RELB: variants seen among roughly 807,000 people sequenced by gnomAD.
RELB encodes RELB proto-oncogene, NF-kB subunit.
Under a neutral mutation model 55.4 loss-of-function variants are expected in RELB, and 14 were observed. The ratio of observed to expected loss-of-function variants is 0.25; its 90% CI spans 0.17 to 0.40. The LOEUF is 0.40. Ranked by LOEUF, RELB falls within the 10% of genes least tolerant of loss-of-function variation. The pLI is 1.00. For missense variants in RELB, 669 were observed against 830.7 expected, an observed-to-expected ratio of 0.81 and a Z score of 2.39; for synonymous variants, 409 against 371.3, an observed-to-expected ratio of 1.10 and a Z score of -1.17.
In RELB at chr19:45,034,360, G is replaced by A. The variant is rs759734541; in HGVS notation, c.1276+48G>A. 41 of 1,597,836 alleles carry A rather than the reference G, an allele frequency of 2.6e-5. No individual in the cohort carries two copies. The South Asian group carries it at 3.6e-4, about 14-fold the overall frequency. Reference sequence around the variant, plus strand: ...CACCCCCATCCCCAGGTTCTGGGGAGGGGACAGCTGACCCCACTGCCCTGT... The same window carrying A: ...CACCCCCATCCCCAGGTTCTGGGGAAGGGACAGCTGACCCCACTGCCCTGT... On this transcript the variant is annotated intron_variant, in intron 10 of 11. Coordinates refer to ENST00000221452, the MANE Select transcript of RELB (RefSeq NM_006509.4).
intron 9 of RELB, 31 bp from the exon 10 acceptor site, chr19:45,034,213 T>A: frequency 6.5e-7 from 1 of 1,530,396 alleles, no homozygotes; most frequent in East Asian, 2.2e-5. Context: ...GATGAATTAC[T>A]TCTTGTGTGT....
At chr19:45,020,757 C>T (rs191882594) in intron 4 of RELB, among the ~76,000 whole-genome samples, 220 of 150,698 alleles carry the variant, frequency 1.5e-3, no homozygotes, top group Admixed American at 7.4e-3. Flanking sequence ...TGGGGTTTCA[C>T]CATGTTAGCC....
intron 9 of RELB, among the ~76,000 whole-genome samples, chr19:45,033,228 T>A (rs1971646531): frequency 6.6e-6 from 1 of 152,078 alleles, no homozygotes; most frequent in Admixed American, 6.6e-5. Flanking sequence ...GGAATGCTTC[T>A]TGGAGGAGGG....
At chr19:45,026,103 G>A (rs1021346879) in intron 7 of RELB, among the ~76,000 whole-genome samples, 16 of 152,032 alleles carry the variant, frequency 1.1e-4, no homozygotes, top group Non-Finnish European at 1.8e-4. Flanking sequence ...TTAGCTGGGC[G>A]CAGTGGCAGG....
chr19:45,022,312 A>C, intron 5 of RELB, 102 bp downstream of exon 5: 1 of 1,150,440 alleles, frequency 8.7e-7, no homozygotes, highest in Non-Finnish European at 1.2e-6. Context: ...GCTTGGGTAA[A>C]CCCTCCCCAC....
At position 45,028,987 on chromosome 19, in the gene RELB, A is replaced by T; in HGVS notation, c.986A>T (p.Gln329Leu). 6.3e-7 allele frequency: 1 copy of T among 1,578,030 alleles called. No individual in the cohort carries two copies. Reference protein sequence around the residue: ...EELYLLCDKVQKEDISVVFSR... With the variant: ...EELYLLCDKVLKEDISVVFSR... ...CTCTACTTGCTCTGCGACAAGGTGC[A>T]GAAAGGTGAGGGGCCTGGGGCAGCA... The change falls in exon 8 of 12, where the codon CAG (glutamine) becomes CTG (leucine). Residue 329 changes from glutamine (Q) to leucine (L), a missense_variant. Physicochemically the swap from Gln to Leu is moderately radical, Grantham distance 113. Around this residue, in one of 3 missense-constraint regions of RELB, gnomAD observed 341 missense variants for 436.8 expected, o/e 0.78. Transcript: ENST00000221452.
At chr19:45,025,576 C>T (rs1406132394) in intron 6 of RELB, 30 bp from the exon 7 acceptor site, 2 of 1,613,208 alleles carry the variant, frequency 1.2e-6, no homozygotes, top group Admixed American at 3.3e-5. Flanking sequence ...CCACTTCCCA[C>T]CCTCAGCCTC....
At chr19:45,011,797 T>TGTGTGGGAGAGAGAGAGAGAGAGA (rs1322532535) in intron 3 of RELB, 139 bp from the exon 4 acceptor site, 1 of 62,528 alleles carries the variant, frequency 1.6e-5, no homozygotes, top group Admixed American at 3.0e-4. Context: ...TGTGTGTGTG[T>TGTGTGGGAGAGAGAGAGAGAGAGA]GAGAGAGAGA....
At chr19:45,003,390 G>C (rs1047611572) in intron 2 of RELB, among the ~76,000 whole-genome samples, 3 of 144,934 alleles carry the variant, frequency 2.1e-5, no homozygotes, top group African/African-American at 7.7e-5. Context: ...CAGGAGAATG[G>C]CGTGAACCTG....
intron 2 of RELB, chr19:45,008,327 T>C (rs942597043): frequency 7.0e-6 from 3 of 431,206 alleles, no homozygotes; most frequent in South Asian, 3.2e-5. Flanking sequence ...AACTAGCAAG[T>C]TGCAGAGCCA....
chr19:45,008,774 G>A (rs1971314349), intron 2 of RELB: 1 of 309,918 alleles, frequency 3.2e-6, no homozygotes, highest in African/African-American at 2.2e-5. Flanking sequence ...CCCTGGGTGG[G>A]ACACCTGGCT....
chr19:45,034,928 C>T (rs1481307485), intron 11 of RELB, among the ~76,000 whole-genome samples: 1 of 151,628 alleles, frequency 6.6e-6, no homozygotes, highest in African/African-American at 2.4e-5. Context: ...GCAACTTCTG[C>T]CTCCTGAGTT....
intron 4 of RELB, among the ~76,000 whole-genome samples, chr19:45,012,767 A>T (rs985794224): frequency 6.7e-6 from 1 of 150,302 alleles, no homozygotes; most frequent in African/African-American, 2.4e-5. Flanking sequence ...AAGAAGGCAG[A>T]TCGTGGTGCG....
intron 3 of RELB, 90 bp downstream of exon 3, chr19:45,009,912 G>T: frequency 8.0e-7 from 1 of 1,256,754 alleles, no homozygotes; most frequent in Non-Finnish European, 1.1e-6. Context: ...AGTGGGGGTG[G>T]GGGAGAGGTG....
intron 5 of RELB, 88 bp from the exon 6 acceptor site, chr19:45,025,241 C>A: frequency 1.1e-6 from 1 of 876,722 alleles, no homozygotes. Flanking sequence ...CTGAGCCCCA[C>A]AGCAGCATCT....
chr19:45,009,693 G>A, intron 2 of RELB, 121 bp from the exon 3 acceptor site: 2 of 1,156,590 alleles, frequency 1.7e-6, no homozygotes, highest in East Asian at 2.4e-5. Flanking sequence ...GGTTTCCCAG[G>A]ACGGAGGAAG....
intron 8 of RELB, among the ~76,000 whole-genome samples, chr19:45,031,281 G>A (rs1971618001): frequency 1.3e-5 from 2 of 151,910 alleles, no homozygotes; most frequent in African/African-American, 4.8e-5. Context: ...GCGCCACCAT[G>A]CCTGGCTAAT....
intron 4 of RELB, among the ~76,000 whole-genome samples, chr19:45,017,718 A>G (rs1226853924): frequency 6.8e-6 from 1 of 148,068 alleles, no homozygotes; most frequent in Non-Finnish European, 1.5e-5. Context: ...CTGGAGTGCA[A>G]TGGTGCGATC....
intron 3 of RELB, among the ~76,000 whole-genome samples, chr19:45,011,734 A>T (rs1486417051): frequency 7.2e-6 from 1 of 138,570 alleles, no homozygotes; most frequent in Non-Finnish European, 1.5e-5. Context: ...GGCGTGAGCC[A>T]CCGCACCTGG....
Sources: allele counts gnomAD v4.1 joint callset (sites outside exome capture counted in the v4.1 genomes callset), GRCh38; gene constraint gnomAD v4.1.1; regional missense constraint gnomAD v4.1.1; transcripts MANE v1.5; gene names NCBI Gene and HGNC (gene_info 2026-07-23, HGNC 2026-07-21).